TOM1L2: variants seen among roughly 807,000 people sequenced by gnomAD.
TOM1L2 encodes TOM1-like protein 2.
In TOM1L2, 31 loss-of-function variants were observed where a neutral mutation model predicts 67.9. The observed-to-expected ratio is 0.46, with a 90% CI of 0.34 to 0.62. TOM1L2 has a LOEUF of 0.62. Ranked by LOEUF, TOM1L2 falls within the 20% of genes least tolerant of loss-of-function variation. The pLI is 0.01. For synonymous variants in TOM1L2, 256 were observed against 254.0 expected, an observed-to-expected ratio of 1.01 and a Z score of -0.07; for missense variants, 606 against 663.5, an observed-to-expected ratio of 0.91 and a Z score of 0.95.
chr17:17,891,591 C>A (rs1326382823), intron 4 of TOM1L2, among the ~76,000 whole-genome samples: 3 of 152,184 alleles, frequency 2.0e-5, no homozygotes, highest in Admixed American at 2.0e-4. Flanking sequence ...AGGCTAGCCA[C>A]CCTGCTGGGC....
chr17:17,883,729 G>A (rs886143530), intron 5 of TOM1L2, among the ~76,000 whole-genome samples: 10 of 151,694 alleles, frequency 6.6e-5, no homozygotes, highest in East Asian at 5.8e-4. Flanking sequence ...GCAAGACTCC[G>A]ACTCAAAAAA....
At chr17:17,896,526 G>A (rs958943943) in intron 3 of TOM1L2, among the ~76,000 whole-genome samples, 1 of 152,192 alleles carries the variant, frequency 6.6e-6, no homozygotes, top group African/African-American at 2.4e-5. Flanking sequence ...GGACAGAGAT[G>A]CATGTGCCAC....
At chr17:17,967,318 A>G (rs2041909058) in intron 1 of TOM1L2, among the ~76,000 whole-genome samples, 1 of 152,248 alleles carries the variant, frequency 6.6e-6, no homozygotes, top group South Asian at 2.1e-4. Flanking sequence ...GGTCAGAATT[A>G]ACTAACTACT....
At position 17,893,863 on chromosome 17, in the gene TOM1L2, AC is replaced by A. The variant is rs2144224615; in HGVS notation, c.217-54del. ...CACCCCAGTGGGAGCTGGAGAAGAC[AC>A]TGGGAACTGAGGAGCGCAGCTGAGT... On this transcript the variant is annotated intron_variant, in intron 3 of 14. Coordinates refer to ENST00000379504, the MANE Select transcript of TOM1L2 (RefSeq NM_001082968.2). The A allele has an allele frequency of 2.5e-6, 4 of 1,577,932 alleles. No individual in the cohort carries two copies. In the East Asian group the frequency reaches 9.0e-5, roughly 35 times the overall value.
At chr17:17,960,625 A>T (rs750191506) in intron 1 of TOM1L2, among the ~76,000 whole-genome samples, 3 of 152,226 alleles carry the variant, frequency 2.0e-5, no homozygotes, top group Non-Finnish European at 4.4e-5. Context: ...GGCATGAGCC[A>T]GTGAGCCCAG....
chr17:17,880,593 C>T (rs2144030115), intron 6 of TOM1L2, among the ~76,000 whole-genome samples: 1 of 152,316 alleles, frequency 6.6e-6, no homozygotes, highest in East Asian at 1.9e-4. Context: ...GGTCCCATCA[C>T]TCAGTGACAA....
intron 1 of TOM1L2, among the ~76,000 whole-genome samples, chr17:17,956,812 G>A (rs1379718836): frequency 2.0e-5 from 3 of 152,128 alleles, no homozygotes; most frequent in African/African-American, 2.4e-5. Flanking sequence ...GCGCTGGCCC[G>A]CAAGCGCCAC....
intron 1 of TOM1L2, among the ~76,000 whole-genome samples, chr17:17,963,432 C>T (rs1013139679): frequency 7.9e-5 from 12 of 152,172 alleles, no homozygotes; most frequent in African/African-American, 2.4e-4. Flanking sequence ...CAAAGAAAAA[C>T]GCTGGAGCTA....
intron 1 of TOM1L2, among the ~76,000 whole-genome samples, chr17:17,944,061 C>T (rs2040843104): frequency 6.6e-6 from 1 of 152,232 alleles, no homozygotes. Context: ...ACTTGAGGGT[C>T]TTCCTCTGGA....
At chr17:17,952,381 T>C (rs4621034) in intron 1 of TOM1L2, among the ~76,000 whole-genome samples, 4,101 of 36,236 alleles carry the variant, frequency 0.11, 220 homozygotes, top group East Asian at 0.44. Flanking sequence ...ATTTTCTTTT[T>C]TTTTTTTTTT....
chr17:17,861,775 A>G (rs910689380), intron 11 of TOM1L2: 1 of 500,326 alleles, frequency 2.0e-6, no homozygotes, highest in African/African-American at 1.9e-5. Flanking sequence ...CTGAGCCACT[A>G]ATCTCTGCGA....
At position 17,898,634 on chromosome 17, in the gene TOM1L2, C is replaced by A; in HGVS notation, c.178G>T (p.Gly60Trp). 2 of 1,614,206 alleles carry A rather than the reference C, an allele frequency of 1.2e-6. No homozygotes were observed. The highest frequency in any genetic ancestry group is 1.7e-6 in the Non-Finnish European group (2 of 1,180,038). Reference protein sequence around the residue: ...AIRALKKRLNGNRNYREVMLA... With the variant: ...AIRALKKRLNWNRNYREVMLA... ...ATCACCTCTCTGTAGTTCCGGTTCCCGTTGAGCCGCTTCTTCAGGGCTCGA... is the reference window on the plus strand; with the variant it reads ...ATCACCTCTCTGTAGTTCCGGTTCCAGTTGAGCCGCTTCTTCAGGGCTCGA... Residue 60 changes from glycine to tryptophan, a missense_variant, in exon 3 of 15, where the codon GGG (glycine) becomes TGG (tryptophan). Coordinates refer to ENST00000379504, the MANE Select transcript of TOM1L2 (RefSeq NM_001082968.2).
At chr17:17,951,111 C>A (rs2041188516) in intron 1 of TOM1L2, among the ~76,000 whole-genome samples, 1 of 152,158 alleles carries the variant, frequency 6.6e-6, no homozygotes, top group Non-Finnish European at 1.5e-5. Context: ...CTGCTACCTA[C>A]TCCCTGAGAG....
At chr17:17,954,049 A>ATAAG (rs1490209751) in intron 1 of TOM1L2, among the ~76,000 whole-genome samples, 1 of 152,234 alleles carries the variant, frequency 6.6e-6, no homozygotes, top group Non-Finnish European at 1.5e-5. Context: ...TTAAATACAT[A>ATAAG]TAAGTTATAA....
chr17:17,946,243 G>A (rs1598388330), intron 1 of TOM1L2, among the ~76,000 whole-genome samples: 1 of 150,242 alleles, frequency 6.7e-6, no homozygotes, highest in Non-Finnish European at 1.5e-5. Flanking sequence ...CTACCCTCTT[G>A]AAGTGTACAA....
intron 4 of TOM1L2, among the ~76,000 whole-genome samples, chr17:17,887,000 G>C (rs1171673946): frequency 6.6e-6 from 1 of 152,252 alleles, no homozygotes. Context: ...GACAGCCTAT[G>C]TTCTCCAGAA....
chr17:17,867,920 A>C (rs1349472128), intron 8 of TOM1L2, among the ~76,000 whole-genome samples: 1 of 152,194 alleles, frequency 6.6e-6, no homozygotes, highest in Non-Finnish European at 1.5e-5. Flanking sequence ...CCTTTCCCAC[A>C]CTCATCTTCA....
At chr17:17,925,517 A>T (rs181001709) in intron 1 of TOM1L2, among the ~76,000 whole-genome samples, 2 of 152,122 alleles carry the variant, frequency 1.3e-5, no homozygotes, top group African/African-American at 4.8e-5. Context: ...ACCAAAACTA[A>T]AAGCCAGTTA....
At chr17:17,893,047 T>C (rs1219375972) in intron 4 of TOM1L2, among the ~76,000 whole-genome samples, 2 of 152,180 alleles carry the variant, frequency 1.3e-5, no homozygotes, top group Non-Finnish European at 2.9e-5. Context: ...TAAGAGATAA[T>C]GAACATTTTC....
Sources: gnomAD v4.1 joint callset for allele counts (sites outside exome capture counted in the v4.1 genomes callset) on GRCh38, gnomAD v4.1.1 for gene constraint, MANE v1.5 for transcripts, NCBI Gene and HGNC (gene_info 2026-07-23, HGNC 2026-07-21) for gene names.